The following PHKA2 variants were observed in gnomAD, a reference collection of about 807,000 sequenced individuals.
PHKA2 encodes phosphorylase kinase regulatory subunit alpha 2, also known as phosphorylase b kinase regulatory subunit alpha, liver isoform.
In PHKA2, 31 loss-of-function variants were observed where a neutral mutation model predicts 102.0. The observed-to-expected ratio is 0.30, with a 90% confidence interval of 0.23 to 0.41. The LOEUF is 0.41. PHKA2 is among the 10% of genes least tolerant of loss of function. The pLI is 1.00. For synonymous variants in PHKA2, 455 were observed against 416.2 expected, an observed-to-expected ratio of 1.09 and a Z score of -1.13; for missense variants, 858 against 1,023.1, an observed-to-expected ratio of 0.84 and a Z score of 2.20.
intron 30 of PHKA2, 108 bp from the exon 31 acceptor site, chrX:18,895,299 A>T: frequency 1.4e-6 from 1 of 703,871 alleles, no homozygotes; most frequent in Non-Finnish European, 2.3e-6. Context: ...CTGGAAACCC[A>T]TATGAGGGCT....
intron 11 of PHKA2, among the ~76,000 whole-genome samples, chrX:18,935,356 T>A (rs1166565966): frequency 8.9e-6 from 1 of 112,010 alleles, no homozygotes. Flanking sequence ...AACTCTAGCT[T>A]GCAAACTGCT....
At chrX:18,901,672 C>T in intron 26 of PHKA2, 69 bp from the exon 27 acceptor site, 1 of 700,335 alleles carries the variant, frequency 1.4e-6, no homozygotes, top group Non-Finnish European at 2.3e-6. Flanking sequence ...AGGATCTGCC[C>T]CTGTCTCCCC....
At position 18,948,728 on chromosome X, in the gene PHKA2, C is replaced by G; in HGVS notation, c.537+16G>C. 2 of 1,061,249 alleles carry G rather than the reference C, an allele frequency of 1.9e-6. No individual in the cohort carries two copies. The highest frequency in any genetic ancestry group is 2.6e-6 in the Non-Finnish European group (2 of 761,510). The allele number at this position is 1,061,249 out of a possible 1,213,427, so 87.5% of individuals were successfully genotyped here. Reference sequence around the variant, plus strand: ...TGACTGGAACATCTGAAAAGACTACCAGGGTTGATACTTACAGCGACTTTA... The same window carrying G: ...TGACTGGAACATCTGAAAAGACTACGAGGGTTGATACTTACAGCGACTTTA... On this transcript the variant is annotated intron_variant, in intron 5 of 32. Coordinates refer to ENST00000379942, the MANE Select transcript of PHKA2 (RefSeq NM_000292.3).
intron 1 of PHKA2, among the ~76,000 whole-genome samples, chrX:18,963,090 C>T (rs2048892542): frequency 8.9e-6 from 1 of 112,690 alleles, no homozygotes; most frequent in Non-Finnish European, 1.9e-5. Flanking sequence ...CGTCCCTGTC[C>T]TGATGGAAAT....
At chrX:18,969,927 C>T (rs761382018) in intron 1 of PHKA2, among the ~76,000 whole-genome samples, 1 of 112,371 alleles carries the variant, frequency 8.9e-6, no homozygotes, top group South Asian at 3.7e-4. Context: ...TTTTTTTACT[C>T]GTCTTTAAAT....
chrX:18,973,429 A>G (rs1016078204), intron 1 of PHKA2, among the ~76,000 whole-genome samples: 6 of 111,334 alleles, frequency 5.4e-5, no homozygotes, highest in African/African-American at 1.7e-4. Context: ...AATAGATTTT[A>G]TAGTAAATTT....
chrX:18,905,620 G>A, intron 26 of PHKA2, 138 bp downstream of exon 26: 1 of 550,040 alleles, frequency 1.8e-6, no homozygotes, highest in Non-Finnish European at 3.3e-6. Flanking sequence ...GGAAGCTTGA[G>A]CCTAGGACTC....
chrX:18,897,629 G>A lies in PHKA2; in HGVS notation c.3112-296C>T, dbSNP rs765862297. 10 of 342,410 alleles carry A rather than the reference G, an allele frequency of 2.9e-5. No individual in the cohort carries two copies. In the East Asian group the frequency reaches 4.7e-4, roughly 16 times the overall value. 28.2% of individuals were successfully genotyped at this position (342,410 alleles called of 1,213,427 possible). A position where few individuals can be genotyped will look rare whatever the true frequency, so the allele number is the denominator to read the frequency against. On this transcript the variant is annotated intron_variant, in intron 29 of 32. Transcript: ENST00000379942. ...CGAACAGGGCGAGCACGGGCTTGGGGGTCAGACTGCCGGAGTGCTAATCCC... is the reference window on the plus strand; with the variant it reads ...CGAACAGGGCGAGCACGGGCTTGGGAGTCAGACTGCCGGAGTGCTAATCCC...
intron 29 of PHKA2, chrX:18,897,553 C>T (rs1162987624): frequency 2.4e-6 from 1 of 423,651 alleles, no homozygotes; most frequent in Non-Finnish European, 4.1e-6. Flanking sequence ...CTCTGCCCTG[C>T]CCCCCGAGAG....
intron 19 of PHKA2, among the ~76,000 whole-genome samples, chrX:18,913,858 T>C (rs1257771251): frequency 8.9e-6 from 1 of 112,170 alleles, no homozygotes. Flanking sequence ...CCTCCACAGC[T>C]TGTCCCACTG....
At chrX:18,899,492 T>C (rs1396968294) in intron 28 of PHKA2, among the ~76,000 whole-genome samples, 1 of 112,773 alleles carries the variant, frequency 8.9e-6, no homozygotes, top group East Asian at 2.8e-4. Flanking sequence ...AAACATTAAA[T>C]GTTCCTGTCA....
At chrX:18,940,715 C>T (rs2048476965) in intron 8 of PHKA2, among the ~76,000 whole-genome samples, 1 of 111,950 alleles carries the variant, frequency 8.9e-6, no homozygotes, top group African/African-American at 3.3e-5. Context: ...GCTGCTACAG[C>T]AGATGTGGCT....
chrX:18,905,929 C>T (rs1286241727), intron 25 of PHKA2, 70 bp from the exon 26 acceptor site: 5 of 751,051 alleles, frequency 6.7e-6, no homozygotes, highest in Middle Eastern at 5.7e-4. Flanking sequence ...GTCAGGTGGA[C>T]GTGGGTGGGG....
In PHKA2 at chrX:18,910,896, A is replaced by G; in HGVS notation, c.2202T>C (p.Asp734=). The change falls in exon 20 of 33, where the codon GAT becomes GAC. Residue 734 remains aspartate (D), a synonymous_variant. Coordinates refer to ENST00000379942, the MANE Select transcript of PHKA2 (RefSeq NM_000292.3). ...SAHRKSLNLV[D]SPQPLLEKVP... is the part of the protein sequence containing the mutation. Reference sequence around the variant, plus strand: ...CCTTTTCTAGGAGTGGCTGAGGAGAATCAACAAGATTCAGTGATTTACGGT... The same window carrying G: ...CCTTTTCTAGGAGTGGCTGAGGAGAGTCAACAAGATTCAGTGATTTACGGT... 1 of 1,191,075 alleles carries G rather than the reference A, an allele frequency of 8.4e-7. No individual in the cohort carries two copies. Among genetic ancestry groups the G allele is most frequent in the Non-Finnish European group, 1.1e-6 (1 of 878,663 alleles).
intron 1 of PHKA2, among the ~76,000 whole-genome samples, chrX:18,974,113 G>A (rs2049053097): frequency 9.1e-6 from 1 of 109,968 alleles, no homozygotes; most frequent in Non-Finnish European, 1.9e-5. Context: ...CAATCTATCT[G>A]CTCTCATGCA....
At chrX:18,919,770 GA>G (rs1426233625) in intron 18 of PHKA2, among the ~76,000 whole-genome samples, 3 of 88,519 alleles carry the variant, frequency 3.4e-5, no homozygotes, top group Admixed American at 2.4e-4. Context: ...AGAAAAAAAA[GA>G]AAAAAAGTCC....
At chrX:18,966,844 G>C (rs2048952043) in intron 1 of PHKA2, among the ~76,000 whole-genome samples, 1 of 111,898 alleles carries the variant, frequency 8.9e-6, no homozygotes, top group Non-Finnish European at 1.9e-5. Flanking sequence ...GGGCACTTTG[G>C]CTTCAGCGGG....
chrX:18,926,975 G>A (rs2048221113), intron 13 of PHKA2, among the ~76,000 whole-genome samples: 1 of 111,700 alleles, frequency 9.0e-6, no homozygotes, highest in Non-Finnish European at 1.9e-5. Context: ...AGCTCCACTT[G>A]GGGGATGCCA....
intron 32 of PHKA2, 42 bp downstream of exon 32, chrX:18,894,162 C>T: frequency 9.0e-7 from 1 of 1,115,317 alleles, no homozygotes; most frequent in South Asian, 1.8e-5. Context: ...CCAGCCTCAA[C>T]AGAGATAAAT....
Sources: gnomAD v4.1 joint callset for allele counts (sites outside exome capture counted in the v4.1 genomes callset) on GRCh38, gnomAD v4.1.1 for gene constraint, MANE v1.5 for transcripts, NCBI Gene and HGNC (gene_info 2026-07-23, HGNC 2026-07-21) for gene names.